Variants in CDH13 observed in about 807,000 individuals in gnomAD.
CDH13 encodes the protein cadherin 13.
In CDH13, 24 loss-of-function variants were observed where a neutral mutation model predicts 63.8. The observed-to-expected ratio is 0.38, with a 90% confidence interval of 0.27 to 0.53. The LOEUF is 0.53. Ranked by LOEUF, CDH13 falls within the 20% of genes least tolerant of loss-of-function variation. The probability of loss-of-function intolerance (pLI) is 0.85; values close to 1 mark genes in which losing one functional copy is unlikely to be tolerated. For missense variants in CDH13, 1,049 were observed against 903.1 expected (o/e 1.16, Z -2.07); for synonymous variants, 503 against 355.3 (o/e 1.42, Z -4.67).
intron 1 of CDH13, among the ~76,000 whole-genome samples, chr16:82,665,705 A>T (rs950380994): frequency 3.3e-5 from 5 of 152,018 alleles, no homozygotes; most frequent in African/African-American, 1.2e-4. Context: ...CCAACTCCAG[A>T]CAGGGACAAT....
In CDH13 at chr16:83,591,914, G is replaced by A. The variant is rs530890871; in HGVS notation, c.961-10540G>A. On this transcript the variant is annotated intron_variant, in intron 7 of 13. Transcript: ENST00000567109. ...CTTTTAATAGAGTTTAGGGATTAAAGGTCTCCCACCTTCTTCCATATAATT... is the reference window on the plus strand; with the variant it reads ...CTTTTAATAGAGTTTAGGGATTAAAAGTCTCCCACCTTCTTCCATATAATT... Among the ~76,000 whole-genome samples the A allele has an allele frequency of 2.0e-5, 3 of 152,244 alleles. No homozygotes were observed. The South Asian group carries it at 6.2e-4, about 32-fold the overall frequency.
intron 5 of CDH13, among the ~76,000 whole-genome samples, chr16:83,288,234 C>T (rs1256399761): frequency 6.6e-6 from 1 of 152,192 alleles, no homozygotes; most frequent in Non-Finnish European, 1.5e-5. Flanking sequence ...GCCCCAATAG[C>T]TAACTCACTC....
chr16:83,356,798 C>G (rs1457701168), intron 6 of CDH13, among the ~76,000 whole-genome samples: 3 of 152,138 alleles, frequency 2.0e-5, no homozygotes, highest in Non-Finnish European at 4.4e-5. Flanking sequence ...TTGAGTTTTT[C>G]AGTATCAAAG....
intron 7 of CDH13, among the ~76,000 whole-genome samples, chr16:83,543,649 G>A (rs1456686349): frequency 6.6e-6 from 1 of 152,084 alleles, no homozygotes; most frequent in Non-Finnish European, 1.5e-5. Flanking sequence ...TGCTCCTCAG[G>A]GGACAGACAT....
Position 82,638,823 on chromosome 16 carries a change from T to TGTGTGTGTGTGTGTGTGCGCGCGC in CDH13, c.45+11687_45+11688insTGTGTGTGTGTGTGTGCGCGCGCG, listed in dbSNP as rs139451683. 5.7e-3 allele frequency among the ~76,000 whole-genome samples: 865 copies of TGTGTGTGTGTGTGTGTGCGCGCGC among 150,904 alleles called. 9 individuals are homozygous for TGTGTGTGTGTGTGTGTGCGCGCGC. The highest frequency in any genetic ancestry group is 0.02 in the Admixed American group (300 of 15,208). ...TGGGAGGCTTTATTAGGGCAGTGTG[T>TGTGTGTGTGTGTGTGTGCGCGCGC]GCGTGTGTGCGTTTGTGTGCATGCA... On this transcript the variant is annotated intron_variant, in intron 1 of 13. Coordinates refer to ENST00000567109, the MANE Select transcript of CDH13 (RefSeq NM_001257.5).
At chr16:83,431,755 G>T (rs989159258) in intron 6 of CDH13, among the ~76,000 whole-genome samples, 1 of 152,086 alleles carries the variant, frequency 6.6e-6, no homozygotes, top group Non-Finnish European at 1.5e-5. Flanking sequence ...CATGAGGATA[G>T]CACCAAGGGG....
chr16:83,659,554 G>T (rs780157469), intron 8 of CDH13, among the ~76,000 whole-genome samples: 1 of 152,250 alleles, frequency 6.6e-6, no homozygotes, highest in African/African-American at 2.4e-5. Flanking sequence ...TCACAGGGGG[G>T]TGTTTTCAGA....
rs541867283 is a variant in CDH13 at position 83,600,291 on chromosome 16, C to T, written c.961-2163C>T. Among the ~76,000 whole-genome samples, 37 of 152,234 alleles carry T rather than the reference C, an allele frequency of 2.4e-4. No individual in the cohort carries two copies. In the South Asian group the frequency reaches 7.3e-3, roughly 30 times the overall value. ...ATCCTGGCGGAGCTGGAATTGAAAC[C>T]GAAACATGAGGCGTAGAGCCATCAC... On this transcript the variant is annotated intron_variant, in intron 7 of 13. Transcript: ENST00000567109.
chr16:83,333,311 A>C (rs2090517013), intron 5 of CDH13, among the ~76,000 whole-genome samples: 1 of 152,190 alleles, frequency 6.6e-6, no homozygotes, highest in Admixed American at 6.6e-5. Flanking sequence ...ATGGCTGACA[A>C]ATAGGAATTG....
intron 3 of CDH13, among the ~76,000 whole-genome samples, chr16:83,083,088 G>A (rs1252058247): frequency 6.6e-6 from 1 of 152,132 alleles, no homozygotes; most frequent in African/African-American, 2.4e-5. Flanking sequence ...ATTCTTTCAT[G>A]TTCTCTAAAT....
At chr16:82,936,583 C>A (rs1229806282) in intron 2 of CDH13, among the ~76,000 whole-genome samples, 2 of 152,134 alleles carry the variant, frequency 1.3e-5, no homozygotes, top group East Asian at 3.9e-4. Context: ...CCCCCACCTT[C>A]AGCATTTTTA....
intron 6 of CDH13, among the ~76,000 whole-genome samples, chr16:83,428,062 A>T (rs1483393880): frequency 1.3e-5 from 2 of 152,212 alleles, no homozygotes; most frequent in East Asian, 1.9e-4. Flanking sequence ...CCCTTTGCAG[A>T]TGACACAGAG....
chr16:82,836,518 G>T (rs970205418), intron 1 of CDH13, among the ~76,000 whole-genome samples: 8 of 152,142 alleles, frequency 5.3e-5, no homozygotes, highest in Non-Finnish European at 2.9e-5. Context: ...ATATGCCAAA[G>T]TGGGTGTATG....
intron 3 of CDH13, among the ~76,000 whole-genome samples, chr16:83,115,661 T>C (rs1029775545): frequency 3.9e-5 from 6 of 152,224 alleles, no homozygotes; most frequent in African/African-American, 1.4e-4. Context: ...TTCACTGTTC[T>C]CCCTTAATTC....
intron 2 of CDH13, among the ~76,000 whole-genome samples, chr16:82,917,091 G>T (rs943942885): frequency 1.3e-5 from 2 of 152,162 alleles, no homozygotes; most frequent in Admixed American, 1.3e-4. Flanking sequence ...GAAAAGTTAT[G>T]GGGAGTGGGT....
At chr16:83,489,733 GA>G (rs2151568253) in intron 7 of CDH13, among the ~76,000 whole-genome samples, 2 of 152,214 alleles carry the variant, frequency 1.3e-5, no homozygotes, top group Admixed American at 1.3e-4. Flanking sequence ...TATTATTTCT[GA>G]AGACCTTCTG....
At chr16:83,701,899 G>T (rs1375262459) in intron 10 of CDH13, among the ~76,000 whole-genome samples, 1 of 152,204 alleles carries the variant, frequency 6.6e-6, no homozygotes, top group African/African-American at 2.4e-5. Flanking sequence ...GTAACACTGA[G>T]GTTGATGTCC....
intron 2 of CDH13, among the ~76,000 whole-genome samples, chr16:82,919,484 G>C (rs2042089854): frequency 6.6e-6 from 1 of 152,116 alleles, no homozygotes; most frequent in Non-Finnish European, 1.5e-5. Flanking sequence ...TCTTGTGTTA[G>C]CTTGCTAAGG....
intron 1 of CDH13, among the ~76,000 whole-genome samples, chr16:82,694,469 C>T (rs765617780): frequency 6.6e-5 from 10 of 152,138 alleles, no homozygotes; most frequent in Non-Finnish European, 1.3e-4. Context: ...GAATCAATGG[C>T]TTGCAGGCAT....
Sources: gnomAD v4.1 joint callset for allele counts (sites outside exome capture counted in the v4.1 genomes callset) on GRCh38, gnomAD v4.1.1 for gene constraint, MANE v1.5 for transcripts, NCBI Gene and HGNC (gene_info 2026-07-23, HGNC 2026-07-21) for gene names.